Variants in SLC35D4 observed in about 807,000 individuals in gnomAD.
SLC35D4 encodes UDP-N-acetylglucosamine transporter SLC35D4.
the SLC35D4 span, among the ~76,000 whole-genome samples, chr18:23,239,678 T>A: frequency 6.6e-6 from 1 of 152,220 alleles, no homozygotes; most frequent in Non-Finnish European, 1.5e-5. Context: ...TGAGGCCTTA[T>A]TATGAGCCAA....
At chr18:23,315,443 C>A in the SLC35D4 span, among the ~76,000 whole-genome samples, 2 of 152,222 alleles carry the variant, frequency 1.3e-5, no homozygotes, top group Admixed American at 1.3e-4. Flanking sequence ...ACATGCCAAA[C>A]CCTATTTGCA....
the SLC35D4 span, chr18:23,437,873 C>CG: frequency 6.2e-7 from 1 of 1,602,914 alleles, no homozygotes; most frequent in African/African-American, 1.3e-5. Context: ...GTCCCCTTCT[C>CG]GGGGATCCAC....
At chr18:23,343,248 AT>A in the SLC35D4 span, among the ~76,000 whole-genome samples, 4 of 151,342 alleles carry the variant, frequency 2.6e-5, no homozygotes, top group East Asian at 5.9e-4. Context: ...ATTTATTTAT[AT>A]TTTTTATTTT....
the SLC35D4 span, among the ~76,000 whole-genome samples, chr18:23,279,068 C>T: frequency 8.8e-4 from 133 of 151,998 alleles, no homozygotes; most frequent in African/African-American, 3.1e-3. Context: ...GGAGGTGGGT[C>T]GTCTGGCTGA....
At chr18:23,238,640 A>T in the SLC35D4 span, among the ~76,000 whole-genome samples, 6,150 of 152,346 alleles carry the variant, frequency 0.04, 238 homozygotes, top group East Asian at 0.15. Flanking sequence ...CCTGATGTCA[A>T]GGAGGGAGCA....
At chr18:23,357,512 C>G in the SLC35D4 span, among the ~76,000 whole-genome samples, 17 of 152,206 alleles carry the variant, frequency 1.1e-4, no homozygotes, top group Non-Finnish European at 1.9e-4. Flanking sequence ...ATTTCTGAAC[C>G]CCTTGGAGAG....
the SLC35D4 span, among the ~76,000 whole-genome samples, chr18:23,397,015 A>C: frequency 3.3e-5 from 5 of 152,198 alleles, no homozygotes; most frequent in South Asian, 1.0e-3. Context: ...CAACTGCCTG[A>C]AAACACACTA....
the SLC35D4 span, among the ~76,000 whole-genome samples, chr18:23,437,307 C>CA: frequency 2.2e-4 from 34 of 152,116 alleles, no homozygotes; most frequent in South Asian, 8.3e-4. Context: ...TGGAGACGTA[C>CA]AAAAAAATTG....
chr18:23,437,951 C>G, the SLC35D4 span: 1 of 1,328,760 alleles, frequency 7.5e-7, no homozygotes, highest in Non-Finnish European at 1.0e-6. Flanking sequence ...CGGCAGCAGC[C>G]GCCCAGAGAC....
the SLC35D4 span, among the ~76,000 whole-genome samples, chr18:23,389,381 T>A: frequency 1.3e-5 from 2 of 152,194 alleles, no homozygotes; most frequent in African/African-American, 2.4e-5. Context: ...ATGCCTTTTT[T>A]AAAAAGGCTT....
At chr18:23,386,212 G>A in the SLC35D4 span, among the ~76,000 whole-genome samples, 1 of 151,668 alleles carries the variant, frequency 6.6e-6, no homozygotes, top group Non-Finnish European at 1.5e-5. Flanking sequence ...AATGTTGTCT[G>A]CTATGGCAAC....
At chr18:23,248,254 A>G in the SLC35D4 span, among the ~76,000 whole-genome samples, 1 of 152,214 alleles carries the variant, frequency 6.6e-6, no homozygotes, top group Admixed American at 6.5e-5. Flanking sequence ...TATGGGGATC[A>G]GAAGCTCTTT....
At chr18:23,300,098 G>A in the SLC35D4 span, among the ~76,000 whole-genome samples, 13 of 152,148 alleles carry the variant, frequency 8.5e-5, no homozygotes, top group Admixed American at 6.6e-5. Flanking sequence ...GTGAAGCTGG[G>A]AGCCTGCTTG....
At chr18:23,243,503 T>A in the SLC35D4 span, among the ~76,000 whole-genome samples, 1 of 150,314 alleles carries the variant, frequency 6.7e-6, no homozygotes, top group African/African-American at 2.4e-5. Flanking sequence ...CTTTTTGTTG[T>A]TGTTAACAGC....
chr18:23,414,307 A>AAGGAAGGAAGGG, the SLC35D4 span, among the ~76,000 whole-genome samples: 2 of 142,230 alleles, frequency 1.4e-5, no homozygotes, highest in Non-Finnish European at 3.1e-5. Flanking sequence ...GGAAGGAAGG[A>AAGGAAGGAAGGG]AGGAAGGAAG....
the SLC35D4 span, among the ~76,000 whole-genome samples, chr18:23,420,129 C>A: frequency 1.3e-5 from 2 of 152,070 alleles, no homozygotes; most frequent in African/African-American, 4.8e-5. Context: ...CACGGAGAAA[C>A]CCCGTCTCTA....
the SLC35D4 span, among the ~76,000 whole-genome samples, chr18:23,340,849 G>A: frequency 6.6e-6 from 1 of 152,130 alleles, no homozygotes; most frequent in Non-Finnish European, 1.5e-5. Context: ...TTGCTCTTGC[G>A]CCACATAAAC....
chr18:23,360,659 T>C, the SLC35D4 span, among the ~76,000 whole-genome samples: 1 of 152,222 alleles, frequency 6.6e-6, no homozygotes, highest in Non-Finnish European at 1.5e-5. Flanking sequence ...CAGAAATGTT[T>C]TATATCTTGA....
At chr18:23,382,288 G>GT in the SLC35D4 span, among the ~76,000 whole-genome samples, 685 of 144,174 alleles carry the variant, frequency 4.8e-3, 2 homozygotes, top group African/African-American at 0.015. Context: ...GAGAATATGA[G>GT]TTTTTTTTTT....
Sources: allele counts gnomAD v4.1 joint callset (sites outside exome capture counted in the v4.1 genomes callset), GRCh38; gene constraint gnomAD v4.1.1; transcripts MANE v1.5; gene names NCBI Gene and HGNC (gene_info 2026-07-23, HGNC 2026-07-21).